CIT: variants seen among roughly 807,000 people sequenced by gnomAD.
CIT encodes the protein citron rho-interacting serine/threonine kinase.
In CIT, 79 loss-of-function variants were observed where a neutral mutation model predicts 272.7. The ratio of observed to expected loss-of-function variants is 0.29; its 90% CI spans 0.24 to 0.35. The LOEUF (loss-of-function observed/expected upper bound fraction) is 0.35. Ranked by LOEUF, CIT falls within the 10% of genes least tolerant of loss-of-function variation. The pLI is 1.00. For missense variants in CIT, 1,909 were observed against 2,618.3 expected (o/e 0.73, Z 5.91); for synonymous variants, 948 against 995.6 (o/e 0.95, Z 0.90).
chr12:119,737,918 CACACAT>C (rs1431494800), intron 24 of CIT, among the ~76,000 whole-genome samples: 2 of 152,196 alleles, frequency 1.3e-5, no homozygotes, highest in African/African-American at 4.8e-5. Flanking sequence ...CCCACACACA[CACACAT>C]ACGTTACTGA....
At chr12:119,787,420 G>A (rs1964888598) in intron 10 of CIT, among the ~76,000 whole-genome samples, 2 of 135,342 alleles carry the variant, frequency 1.5e-5, no homozygotes, top group Admixed American at 1.6e-4. Flanking sequence ...AACACAGCAA[G>A]ACCTTGTCTC....
chr12:119,760,874 G>A (rs931740827), intron 20 of CIT, 65 bp downstream of exon 20: 2 of 990,844 alleles, frequency 2.0e-6, no homozygotes, highest in African/African-American at 3.2e-5. Flanking sequence ...TCTTATCAGG[G>A]GTGATTCTTG....
intron 19 of CIT, 142 bp downstream of exon 19, chr12:119,766,945 A>G (rs1962522403): frequency 2.2e-6 from 1 of 458,764 alleles, no homozygotes; most frequent in Non-Finnish European, 3.8e-6. Context: ...ACACCCTGAA[A>G]TCTCTCACCA....
chr12:119,737,010 T>C (rs1352246103), intron 24 of CIT, among the ~76,000 whole-genome samples: 1 of 152,218 alleles, frequency 6.6e-6, no homozygotes, highest in African/African-American at 2.4e-5. Flanking sequence ...GTGAACACTA[T>C]ATTTACTCAT....
intron 7 of CIT, among the ~76,000 whole-genome samples, chr12:119,830,743 A>G (rs1277143564): frequency 6.6e-6 from 1 of 152,212 alleles, no homozygotes; most frequent in African/African-American, 2.4e-5. Flanking sequence ...CATCTTATAC[A>G]GCGCATCCCC....
intron 2 of CIT, among the ~76,000 whole-genome samples, chr12:119,872,640 G>C (rs1023632432): frequency 6.6e-6 from 1 of 152,084 alleles, no homozygotes; most frequent in African/African-American, 2.4e-5. Flanking sequence ...AAATTCTGAC[G>C]TGCACAGGTG....
intron 23 of CIT, 41 bp from the exon 24 acceptor site, chr12:119,742,505 G>A (rs1229570975): frequency 1.3e-6 from 2 of 1,499,862 alleles, no homozygotes; most frequent in East Asian, 2.3e-5. Flanking sequence ...TCATAGGGTA[G>A]AATACAATTC....
rs35154815 is a variant in CIT at position 119,701,947 on chromosome 12, G to A, written c.5316C>T (p.Thr1772=). Residue 1772 remains threonine (T), a synonymous_variant, in exon 42 of 48, where the codon ACC becomes ACT. Coordinates refer to ENST00000392521, the MANE Select transcript of CIT (RefSeq NM_001206999.2). ...SKYCIRKEIE[T]SEPCSCIHFT... ...AGTGGATACAGCTGCAGGGCTCTGA[G>A]GTCTCTATCTCCTGAGACATGAGAG... 6.2e-7 allele frequency: 1 copy of A among 1,612,382 alleles called. No individual in the cohort carries two copies. Among genetic ancestry groups the A allele is most frequent in the Admixed American group, 1.7e-5 (1 of 60,024 alleles).
intron 1 of CIT, among the ~76,000 whole-genome samples, chr12:119,876,988 G>C (rs992000032): frequency 1.3e-5 from 2 of 152,214 alleles, no homozygotes; most frequent in East Asian, 1.9e-4. Context: ...GAGCTGAAGA[G>C]ACAAAGCACT....
At chr12:119,719,540 C>A (rs7961569) in intron 30 of CIT, among the ~76,000 whole-genome samples, 83,082 of 151,972 alleles carry the variant, frequency 0.55, 22,867 homozygotes, top group Admixed American at 0.62. Flanking sequence ...TATACAGTCA[C>A]GCAGCATGCA....
intron 3 of CIT, among the ~76,000 whole-genome samples, chr12:119,861,450 C>G (rs11064937): frequency 0.051 from 7,789 of 151,648 alleles, 381 homozygotes; most frequent in African/African-American, 0.13. Flanking sequence ...AGCCAGGTGT[C>G]GTGGCGCATG....
intron 10 of CIT, among the ~76,000 whole-genome samples, chr12:119,797,726 C>T (rs1001634080): frequency 1.3e-5 from 2 of 152,206 alleles, no homozygotes; most frequent in African/African-American, 4.8e-5. Flanking sequence ...GAAAGGAAAA[C>T]ACTTTTTAAG....
intron 16 of CIT, 121 bp from the exon 17 acceptor site, chr12:119,773,031 AG>A (rs1963348081): frequency 1.1e-6 from 1 of 932,914 alleles, no homozygotes; most frequent in Non-Finnish European, 1.5e-6. Context: ...AAAAAAAAAA[AG>A]ATAGTGACAG....
Position 119,833,981 on chromosome 12 carries a change from C to G in CIT, c.659+105G>C, listed in dbSNP as rs1286726599. The stretch of plus-strand genomic sequence containing the variant: ...TAGACTGGCTAAAAACTGGATGGGG[C>G]GTTATCTTGATCTTGAAATCACTCA... On this transcript the variant is annotated intron_variant, in intron 6 of 47. Coordinates refer to ENST00000392521, the MANE Select transcript of CIT (RefSeq NM_001206999.2). 6 of 1,187,184 alleles carry G rather than the reference C, an allele frequency of 5.1e-6. No individual in the cohort carries two copies. In the East Asian group the frequency reaches 1.2e-4, roughly 24 times the overall value. The allele number at this position is 1,187,184 out of a possible 1,614,324, so 73.5% of individuals were successfully genotyped here. A position where few individuals can be genotyped will look rare whatever the true frequency, so the allele number is the denominator to read the frequency against.
intron 10 of CIT, among the ~76,000 whole-genome samples, chr12:119,801,653 T>G (rs2137863265): frequency 6.6e-6 from 1 of 152,314 alleles, no homozygotes; most frequent in Non-Finnish European, 1.5e-5. Flanking sequence ...AAGGTTATAC[T>G]GCCCACTAAC....
chr12:119,859,251 A>G (rs934799861), intron 3 of CIT, among the ~76,000 whole-genome samples: 1 of 152,218 alleles, frequency 6.6e-6, no homozygotes, highest in Non-Finnish European at 1.5e-5. Flanking sequence ...AATCCGGCAG[A>G]AAGATGCCAC....
chr12:119,704,188 T>A (rs1956747355), intron 41 of CIT, among the ~76,000 whole-genome samples, 175 bp downstream of exon 41: 1 of 152,042 alleles, frequency 6.6e-6, no homozygotes, highest in Non-Finnish European at 1.5e-5. Context: ...CCCTGGGGAA[T>A]CCTCCACAAA....
At chr12:119,765,818 A>G (rs912655579) in intron 19 of CIT, among the ~76,000 whole-genome samples, 1 of 152,166 alleles carries the variant, frequency 6.6e-6, no homozygotes, top group Non-Finnish European at 1.5e-5. Flanking sequence ...AGAAAAATTA[A>G]AGGCAAAGTA....
At chr12:119,812,806 C>T (rs1191997070) in intron 9 of CIT, among the ~76,000 whole-genome samples, 2 of 151,044 alleles carry the variant, frequency 1.3e-5, no homozygotes, top group African/African-American at 4.9e-5. Context: ...AGACATCGCA[C>T]CCGGCTAGTC....
Sources: gnomAD v4.1 joint callset for allele counts (sites outside exome capture counted in the v4.1 genomes callset) on GRCh38, gnomAD v4.1.1 for gene constraint, MANE v1.5 for transcripts, NCBI Gene and HGNC (gene_info 2026-07-23, HGNC 2026-07-21) for gene names.